The following NTMT1 variants were observed in gnomAD, a reference collection of about 807,000 sequenced individuals.
The protein encoded by NTMT1 is N-terminal RCC1 methyltransferase.
In NTMT1, 8 loss-of-function variants were observed where a neutral mutation model predicts 17.5. That is an observed-to-expected ratio of 0.46 (90% CI 0.27 to 0.82). NTMT1 has a LOEUF of 0.82. Among genes scored for constraint, NTMT1 ranks in the 40% least tolerant of loss-of-function variants. The pLI, the probability that NTMT1 is intolerant of heterozygous loss-of-function variation, is 0.15. For synonymous variants in NTMT1, 128 were observed against 126.8 expected (o/e 1.01, Z -0.06); for missense variants, 221 against 303.5 (o/e 0.73, Z 2.02).
At chr9:129,629,003 C>G (rs1415007569) in intron 1 of NTMT1, among the ~76,000 whole-genome samples, 1 of 152,214 alleles carries the variant, frequency 6.6e-6, no homozygotes, top group Admixed American at 6.5e-5. Flanking sequence ...TAACCTTTGT[C>G]TTTAATTTTC....
chr9:129,633,988 C>A, intron 2 of NTMT1, 66 bp from the exon 3 acceptor site: 2 of 1,542,486 alleles, frequency 1.3e-6, no homozygotes, highest in Non-Finnish European at 1.8e-6. Flanking sequence ...TCCTAGGGCT[C>A]GTGAGGAAGG....
chr9:129,619,478 CCT>C, intron 1 of NTMT1: 1 of 1,393,258 alleles, frequency 7.2e-7, no homozygotes, highest in Non-Finnish European at 1.0e-6. Context: ...AAGAAATGCC[CCT>C]TTCCTCCACT....
intron 2 of NTMT1, chr9:129,633,281 G>A (rs41278714): frequency 0.018 from 6,175 of 344,774 alleles, 93 homozygotes; most frequent in Middle Eastern, 0.026. Context: ...ACCAGGCTGG[G>A]ACCCCCAGTC....
chr9:129,632,265 A>C (rs1317661838), intron 1 of NTMT1, among the ~76,000 whole-genome samples: 1 of 152,112 alleles, frequency 6.6e-6, no homozygotes, highest in African/African-American at 2.4e-5. Context: ...CCTTTGTAAC[A>C]TAGTGAGACC....
chr9:129,613,298 G>T lies in NTMT1; in HGVS notation c.-55+4120G>T. ...GAGCTTCCTGGACTCTGAGTCCCCG[G>T]CCCACCCATGGCTGGCAGGGCCCTT... On this transcript the variant is annotated intron_variant, in intron 1 of 3. Coordinates refer to the NTMT1 transcript ENST00000372486. The surrounding 1 kb of genome is among the most constrained non-coding windows in gnomAD (Gnocchi z 6.2). The T allele has an allele frequency of 2.5e-6, 4 of 1,570,250 alleles. No homozygotes were observed. The South Asian group carries it at 4.7e-5, about 19-fold the overall frequency.
At chr9:129,612,234 G>T in intron 1 of NTMT1, 2 of 825,016 alleles carry the variant, frequency 2.4e-6, no homozygotes, top group Non-Finnish European at 3.9e-6. Context: ...CTTGTGGTGT[G>T]ACACCTACTG....
Position 129,632,878 on chromosome 9 carries a change from G to A in NTMT1, c.162+13G>A, listed in dbSNP as rs199948620. 2.2e-5 allele frequency: 35 copies of A among 1,612,988 alleles called. No homozygotes were observed. In the African/African-American group the frequency reaches 4.3e-4, roughly 20 times the overall value. ...GAGGTTTTTGAGGGTAGGCAGGTCT[G>A]GCGTGCTCTCCAGGAGAGGCTGTGG... On this transcript the variant is annotated intron_variant, in intron 2 of 3. Coordinates refer to ENST00000372483, the MANE Select transcript of NTMT1 (RefSeq NM_014064.4).
chr9:129,609,710 A>G (rs945170744), intron 1 of NTMT1, among the ~76,000 whole-genome samples: 2 of 152,022 alleles, frequency 1.3e-5, no homozygotes, highest in Non-Finnish European at 2.9e-5. Flanking sequence ...GGTTGGGTCC[A>G]TCCCCTGAAT....
intron 3 of NTMT1, 190 bp from the exon 4 acceptor site, chr9:129,635,018 T>C (rs1831446679): frequency 3.0e-6 from 2 of 668,872 alleles, no homozygotes; most frequent in Non-Finnish European, 5.0e-6. Flanking sequence ...AGATGACCTC[T>C]GAGCCACAGT....
intron 1 of NTMT1, among the ~76,000 whole-genome samples, chr9:129,630,756 G>C (rs1044951046): frequency 2.0e-5 from 3 of 152,248 alleles, no homozygotes; most frequent in Admixed American, 2.0e-4. Context: ...GAGGCAGCAC[G>C]TGCGAGGCGG....
intron 1 of NTMT1, among the ~76,000 whole-genome samples, chr9:129,610,184 G>A (rs1157133449): frequency 1.6e-5 from 2 of 127,338 alleles, no homozygotes; most frequent in South Asian, 5.5e-4. Context: ...CGAGCCACAG[G>A]GGAGGGGGGA....
intron 1 of NTMT1, chr9:129,626,639 T>C (rs1830912329): frequency 6.6e-6 from 1 of 152,182 alleles, no homozygotes; most frequent in Admixed American, 6.5e-5. Flanking sequence ...AGCGCCCACT[T>C]GGAGGATGGA....
intron 1 of NTMT1, chr9:129,619,470 G>A (rs4240434): frequency 0.57 from 745,299 of 1,313,376 alleles, 216,134 homozygotes; most frequent in Non-Finnish European, 0.61. Context: ...AAGAAGGAAA[G>A]AAATGCCCCT....
Position 129,614,517 on chromosome 9 carries a change from C to G in NTMT1, c.-55+5339C>G, listed in dbSNP as rs1830255263. On this transcript the variant is annotated intron_variant, in intron 1 of 3. Coordinates refer to the NTMT1 transcript ENST00000372486. This position sits in a 1 kb window ranked among gnomAD's most constrained non-coding sequence, Gnocchi z 4.4. ...GGGGCTGCTGGATCCTGAGAAGAGGCTGGGCACACAGAAAAAGGTGGAGCT... is the reference window on the plus strand; with the variant it reads ...GGGGCTGCTGGATCCTGAGAAGAGGGTGGGCACACAGAAAAAGGTGGAGCT... Among the ~76,000 whole-genome samples, 1 of 152,170 alleles carries G rather than the reference C, an allele frequency of 6.6e-6. No individual in the cohort carries two copies. The highest frequency in any genetic ancestry group is 2.1e-4 in the South Asian group (1 of 4,830).
rs1167340820 is a variant in NTMT1 at position 129,613,338 on chromosome 9, G to A, written c.-55+4160G>A. On this transcript the variant is annotated intron_variant, in intron 1 of 3. Coordinates refer to the NTMT1 transcript ENST00000372486. The surrounding 1 kb of genome is among the most constrained non-coding windows in gnomAD (Gnocchi z 6.2). Reference sequence around the variant, plus strand: ...GCAGGGCCCTTGAGGACCCACACTGGCAACCCGCCTGCTGCTGGGTGGGGA... The same window carrying A: ...GCAGGGCCCTTGAGGACCCACACTGACAACCCGCCTGCTGCTGGGTGGGGA... 10 of 1,565,824 alleles carry A rather than the reference G, an allele frequency of 6.4e-6. No individual in the cohort carries two copies. The highest frequency in any genetic ancestry group is 7.8e-6 in the Non-Finnish European group (9 of 1,154,336).
Position 129,613,394 on chromosome 9 carries a change from G to T in NTMT1, c.-55+4216G>T, listed in dbSNP as rs773104164. On this transcript the variant is annotated intron_variant, in intron 1 of 3. Transcript: ENST00000372486. The surrounding 1 kb of genome is among the most constrained non-coding windows in gnomAD (Gnocchi z 6.2). The stretch of plus-strand genomic sequence containing the variant: ...GTAGGCAAGGGGGGTGGAGGGCCCT[G>T]GCAATGTCCACGAGTCCCATCCGCT... 1 of 1,604,504 alleles carries T rather than the reference G, an allele frequency of 6.2e-7. No homozygotes were observed. The highest frequency in any genetic ancestry group is 8.5e-7 in the Non-Finnish European group (1 of 1,173,796).
chr9:129,631,145 G>A (rs1172698143), intron 1 of NTMT1, among the ~76,000 whole-genome samples: 1 of 152,224 alleles, frequency 6.6e-6, no homozygotes, highest in African/African-American at 2.4e-5. Flanking sequence ...TGGCTGCCCA[G>A]CTCGGGCTGC....
intron 1 of NTMT1, among the ~76,000 whole-genome samples, chr9:129,621,149 G>C (rs573561643): frequency 2.0e-5 from 3 of 152,212 alleles, no homozygotes; most frequent in African/African-American, 4.8e-5. Flanking sequence ...AACTGTTACC[G>C]TCATTAGCGC....
chr9:129,634,460 C>G (rs1380405929), intron 3 of NTMT1, 154 bp downstream of exon 3: 12 of 761,850 alleles, frequency 1.6e-5, no homozygotes, highest in Non-Finnish European at 2.4e-5. Context: ...CCGTACTTCC[C>G]AGGACTGAGG....
Sources: allele counts gnomAD v4.1 joint callset (sites outside exome capture counted in the v4.1 genomes callset), GRCh38; gene constraint gnomAD v4.1.1; non-coding constraint Gnocchi (gnomAD v3.1); transcripts MANE v1.5; gene names NCBI Gene and HGNC (gene_info 2026-07-23, HGNC 2026-07-21).